Variants in PCDHA11 observed in about 807,000 individuals in gnomAD.
PCDHA11 encodes protocadherin alpha 11.
Under a neutral mutation model 70.3 loss-of-function variants are expected in PCDHA11, and 61 were observed. The observed-to-expected ratio is 0.87, with a 90% confidence interval of 0.71 to 1.07. The LOEUF (loss-of-function observed/expected upper bound fraction) is 1.07. PCDHA11 is among the 50% of genes least tolerant of loss of function. PCDHA11 has a pLI of 0.00. For synonymous variants in PCDHA11, 633 were observed against 555.1 expected (o/e 1.14, Z -1.97); for missense variants, 1,324 against 1,237.5 (o/e 1.07, Z -1.05).
Position 140,870,808 on chromosome 5 carries a change from G to A in PCDHA11, c.1705G>A (p.Ala569Thr), listed in dbSNP as rs368477795. 1.9e-5 allele frequency: 30 copies of A among 1,613,692 alleles called. No individual in the cohort carries two copies. The highest frequency in any genetic ancestry group is 3.3e-5 in the South Asian group (3 of 91,076). Residue 569 changes from alanine to threonine, a missense_variant, in exon 1 of 4, where the codon GCT (alanine) becomes ACT (threonine). By Grantham distance (58) the Ala-to-Thr change is moderately conservative (BLOSUM62 0). Coordinates refer to ENST00000398640, the MANE Select transcript of PCDHA11 (RefSeq NM_018902.5). ...CGCGCCGGCACTGCTGGCGACTCAGGCTGGCAGCGCGGGAGGCGCAGTTAA... is the reference window on the plus strand; with the variant it reads ...CGCGCCGGCACTGCTGGCGACTCAGACTGGCAGCGCGGGAGGCGCAGTTAA... Reference protein sequence around the residue: ...DNAPALLATQAGSAGGAVNKL... With the variant: ...DNAPALLATQTGSAGGAVNKL...
intron 1 of PCDHA11, among the ~76,000 whole-genome samples, chr5:140,972,293 C>T (rs912767406): frequency 2.0e-5 from 3 of 151,768 alleles, no homozygotes; most frequent in Non-Finnish European, 4.4e-5. Flanking sequence ...ATGTGCGCCA[C>T]CGTGTCTGAC....
chr5:141,002,555 A>C (rs1349538713), intron 3 of PCDHA11, among the ~76,000 whole-genome samples: 1 of 152,222 alleles, frequency 6.6e-6, no homozygotes, highest in Admixed American at 6.5e-5. Context: ...CCCAGGATCC[A>C]CCAGTTAGTG....
chr5:140,975,139 C>G (rs2096655397), intron 1 of PCDHA11, among the ~76,000 whole-genome samples: 1 of 152,154 alleles, frequency 6.6e-6, no homozygotes, highest in Non-Finnish European at 1.5e-5. Flanking sequence ...GGCCTGGGGT[C>G]ACTCTCAGTT....
chr5:140,883,451 T>A (rs2153394032), intron 1 of PCDHA11: 1 of 1,614,144 alleles, frequency 6.2e-7, no homozygotes, highest in Non-Finnish European at 8.5e-7. Context: ...GCATGTCCCC[T>A]TCAAGCTGGT....
chr5:140,962,046 G>A (rs2095653396), intron 1 of PCDHA11, among the ~76,000 whole-genome samples: 1 of 151,964 alleles, frequency 6.6e-6, no homozygotes, highest in African/African-American at 2.4e-5. Flanking sequence ...ACCATGCCTG[G>A]CTAATTTTTT....
rs782403878 is a variant in PCDHA11, at chr5:140,870,472, C to G, written c.1369C>G (p.Pro457Ala). The G allele has an allele frequency of 2.5e-6, 4 of 1,614,240 alleles. No homozygotes were observed. Among genetic ancestry groups the G allele is most frequent in the South Asian group, 1.1e-5 (1 of 91,090 alleles). ...VNDNAPAFAQ[P>A]EYTVFVKENN... Reference sequence around the variant, plus strand: ...CGACAATGCGCCTGCGTTCGCACAGCCCGAGTACACCGTGTTCGTGAAGGA... The same window carrying G: ...CGACAATGCGCCTGCGTTCGCACAGGCCGAGTACACCGTGTTCGTGAAGGA... Residue 457 changes from proline to alanine, a missense_variant, in exon 1 of 4, where the codon CCC (proline) becomes GCC (alanine). By Grantham distance (27) the Pro-to-Ala change is conservative. Coordinates refer to ENST00000398640, the MANE Select transcript of PCDHA11 (RefSeq NM_018902.5).
In PCDHA11 at chr5:140,929,359, C is replaced by T; in HGVS notation, c.2392-49590C>T. 3.3e-6 allele frequency: 5 copies of T among 1,522,308 alleles called. No homozygotes were observed. In the South Asian group the frequency reaches 6.6e-5, roughly 20 times the overall value. 94.3% of individuals were successfully genotyped at this position (1,522,308 alleles called of 1,614,324 possible). ...ATTTTATGGAATTTGATTCCTTTGG[C>T]CCGGAGATGGCTGCTAGCTGTGTTT... On this transcript the variant is annotated intron_variant, in intron 1 of 3. Transcript: ENST00000398640.
intron 1 of PCDHA11, among the ~76,000 whole-genome samples, chr5:140,972,152 A>T (rs1481801555): frequency 6.6e-6 from 1 of 151,770 alleles, no homozygotes; most frequent in African/African-American, 2.4e-5. Context: ...TTTTATTTTT[A>T]TTTTTTTGAG....
intron 1 of PCDHA11, among the ~76,000 whole-genome samples, chr5:140,940,904 GT>G (rs1437754574): frequency 6.6e-6 from 1 of 152,188 alleles, no homozygotes; most frequent in Non-Finnish European, 1.5e-5. Context: ...TTTAAATCAA[GT>G]TCAAGACTTG....
chr5:140,954,992 G>A (rs1017301016), intron 1 of PCDHA11, among the ~76,000 whole-genome samples: 1 of 152,094 alleles, frequency 6.6e-6, no homozygotes, highest in Non-Finnish European at 1.5e-5. Flanking sequence ...TTCTGCATAT[G>A]GCTAGCCAAT....
rs181858092 is a variant in PCDHA11 at position 140,895,275 on chromosome 5, A to G, written c.2391+23781A>G. The stretch of plus-strand genomic sequence containing the variant: ...TTTCTTTTTTTTCTTACTCAGGGAT[A>G]ATTGAATTAGGACCTTCGATTTCCC... On this transcript the variant is annotated intron_variant, in intron 1 of 3. Transcript: ENST00000398640. 2.0e-5 allele frequency among the ~76,000 whole-genome samples: 3 copies of G among 152,146 alleles called. No individual in the cohort carries two copies. The East Asian group carries it at 5.8e-4, about 29-fold the overall frequency.
chr5:140,877,233 G>A (rs1554169499), intron 1 of PCDHA11: 2 of 1,613,676 alleles, frequency 1.2e-6, no homozygotes, highest in Non-Finnish European at 8.5e-7. Flanking sequence ...CGGTGGGTGC[G>A]GGCCACGTGG....
intron 3 of PCDHA11, among the ~76,000 whole-genome samples, chr5:141,001,297 A>G (rs1367498675): frequency 1.3e-5 from 2 of 152,202 alleles, no homozygotes; most frequent in African/African-American, 2.4e-5. Context: ...ACTGAGGCCC[A>G]GAGATATGAA....
At chr5:140,994,704 CA>C (rs1294993555) in intron 3 of PCDHA11, among the ~76,000 whole-genome samples, 1 of 150,730 alleles carries the variant, frequency 6.6e-6, no homozygotes, top group Non-Finnish European at 1.5e-5. Flanking sequence ...GACCCTGTCT[CA>C]AAAAAAAATT....
intron 1 of PCDHA11, among the ~76,000 whole-genome samples, chr5:140,897,837 C>A: frequency 6.6e-6 from 1 of 152,116 alleles, no homozygotes; most frequent in African/African-American, 2.4e-5. Context: ...TCTCCACATC[C>A]TCTCCAGCAC....
intron 1 of PCDHA11, among the ~76,000 whole-genome samples, chr5:140,976,116 A>G (rs781948908): frequency 1.2e-4 from 18 of 152,224 alleles, no homozygotes; most frequent in Non-Finnish European, 2.6e-4. Flanking sequence ...AATTTTTCCA[A>G]GTTTAATCAA....
At chr5:140,978,587 T>C (rs1260706970) in intron 1 of PCDHA11, among the ~76,000 whole-genome samples, 5 of 152,250 alleles carry the variant, frequency 3.3e-5, no homozygotes, top group Admixed American at 6.5e-5. Context: ...GAATGTTCCC[T>C]TAATGGGGCA....
rs782248969 is a variant in PCDHA11 at position 140,927,466 on chromosome 5, G to A, written c.2392-51483G>A. 67 of 1,614,044 alleles carry A rather than the reference G, an allele frequency of 4.2e-5. No homozygotes were observed. Among genetic ancestry groups the A allele is most frequent in the Non-Finnish European group, 5.4e-5 (64 of 1,180,052 alleles). Reference sequence around the variant, plus strand: ...GGAGTTGGTGTTGGAGAAAGCACTGGATCGCGAACAGCGCGCCACCCACCT... The same window carrying A: ...GGAGTTGGTGTTGGAGAAAGCACTGAATCGCGAACAGCGCGCCACCCACCT... On this transcript the variant is annotated intron_variant, in intron 1 of 3. Coordinates refer to ENST00000398640, the MANE Select transcript of PCDHA11 (RefSeq NM_018902.5).
At chr5:140,877,654 A>T in intron 1 of PCDHA11, 1 of 1,613,490 alleles carries the variant, frequency 6.2e-7, no homozygotes, top group South Asian at 1.1e-5. Flanking sequence ...AGCGCCGCCC[A>T]CCGTGAGCCG....
Sources: allele counts gnomAD v4.1 joint callset (sites outside exome capture counted in the v4.1 genomes callset), GRCh38; gene constraint gnomAD v4.1.1; transcripts MANE v1.5; gene names NCBI Gene and HGNC (gene_info 2026-07-23, HGNC 2026-07-21).